AK7: variants seen among roughly 807,000 people sequenced by gnomAD.
AK7 encodes ATP-AMP transphosphorylase 7.
A neutral mutation model predicts 96.6 loss-of-function variants in AK7; 78 were observed. The observed-to-expected ratio is 0.81, with a 90% confidence interval of 0.67 to 0.97. The LOEUF (loss-of-function observed/expected upper bound fraction) is 0.97, where lower values mean the gene tolerates loss of function less well. AK7 is among the 50% of genes least tolerant of loss of function. The pLI is 0.00. For synonymous variants in AK7, 302 were observed against 317.2 expected (o/e 0.95, Z 0.51); for missense variants, 855 against 887.9 (o/e 0.96, Z 0.47).
At chr14:96,408,054 T>G (rs1490858098) in intron 3 of AK7, among the ~76,000 whole-genome samples, 2 of 152,208 alleles carry the variant, frequency 1.3e-5, no homozygotes, top group Non-Finnish European at 2.9e-5. Flanking sequence ...TATGAATCCC[T>G]ACAAGTTGTT....
At chr14:96,483,811 T>C (rs1350568879) in intron 16 of AK7, among the ~76,000 whole-genome samples, 1 of 152,212 alleles carries the variant, frequency 6.6e-6, no homozygotes, top group Non-Finnish European at 1.5e-5. Context: ...TTACTATGCA[T>C]TGACCTCATG....
intron 6 of AK7, among the ~76,000 whole-genome samples, chr14:96,441,609 A>G (rs1415370829): frequency 7.1e-6 from 1 of 141,248 alleles, no homozygotes; most frequent in Non-Finnish European, 1.5e-5. Context: ...ACTGCACTCC[A>G]TCCAGCCTGG....
At chr14:96,429,883 A>G (rs1224840851) in intron 5 of AK7, among the ~76,000 whole-genome samples, 1 of 152,166 alleles carries the variant, frequency 6.6e-6, no homozygotes. Context: ...GGGGTTTTCT[A>G]AATATATAAT....
chr14:96,449,825 T>C lies in AK7; in HGVS notation c.894T>C (p.Pro298=). 6.2e-7 allele frequency: 1 copy of C among 1,610,702 alleles called. No individual in the cohort carries two copies. The highest frequency in any genetic ancestry group is 8.5e-7 in the Non-Finnish European group (1 of 1,178,316). Residue 298 remains proline, a synonymous_variant, in exon 9 of 18, where the codon CCT becomes CCC. Coordinates refer to ENST00000267584, the MANE Select transcript of AK7 (RefSeq NM_152327.5). ...AGTGTATCAGTAAAAATACTGGCCC[T>C]GGGAAAATCCAGAAAATACCCAGAG... ...IVKCISKNTG[P]GKIQKIPREN... is the part of the protein sequence containing the mutation.
Position 96,472,511 on chromosome 14 carries a change from C to G in AK7, c.1487-176C>G, listed in dbSNP as rs545267961. On this transcript the variant is annotated intron_variant, in intron 13 of 17. Coordinates refer to ENST00000267584, the MANE Select transcript of AK7 (RefSeq NM_152327.5). The stretch of plus-strand genomic sequence containing the variant: ...CTGTTGGATGTATATACTACATTTT[C>G]TTTATCCATGCATCTATCAATGTAC... Among the ~76,000 whole-genome samples, 22 of 152,280 alleles carry G rather than the reference C, an allele frequency of 1.4e-4. No homozygotes were observed. In the South Asian group the frequency reaches 4.6e-3, roughly 32 times the overall value.
At chr14:96,468,897 C>G (rs959264117) in intron 12 of AK7, among the ~76,000 whole-genome samples, 1 of 151,612 alleles carries the variant, frequency 6.6e-6, no homozygotes, top group Non-Finnish European at 1.5e-5. Flanking sequence ...TGTGCTCATT[C>G]ATTTTCAAAC....
intron 8 of AK7, 105 bp downstream of exon 8, chr14:96,446,712 G>A: frequency 6.5e-6 from 6 of 921,256 alleles, no homozygotes; most frequent in East Asian, 2.6e-5. Flanking sequence ...AGTCCGAGGC[G>A]GGTGGATCAC....
chr14:96,394,001 C>G (rs1264033792), intron 1 of AK7, among the ~76,000 whole-genome samples: 2 of 151,874 alleles, frequency 1.3e-5, no homozygotes, highest in African/African-American at 2.4e-5. Flanking sequence ...CTCAGCTGCT[C>G]TGGAGGCTGA....
chr14:96,437,283 T>G (rs1158293123), intron 5 of AK7, among the ~76,000 whole-genome samples: 1 of 152,196 alleles, frequency 6.6e-6, no homozygotes, highest in Non-Finnish European at 1.5e-5. Flanking sequence ...TTGTGCTTAT[T>G]TCACATTGCA....
intron 5 of AK7, among the ~76,000 whole-genome samples, chr14:96,426,290 A>G (rs1294000818): frequency 6.6e-6 from 1 of 152,228 alleles, no homozygotes; most frequent in Admixed American, 6.5e-5. Flanking sequence ...ACCAGCAAAA[A>G]GAAAACTAAT....
intron 8 of AK7, among the ~76,000 whole-genome samples, chr14:96,448,792 C>T (rs1893399910): frequency 6.6e-6 from 1 of 151,718 alleles, no homozygotes; most frequent in South Asian, 2.1e-4. Context: ...CCCTTCTCTA[C>T]TAAAAATACA....
chr14:96,465,509 A>G lies in AK7; in HGVS notation c.1358-5969A>G, dbSNP rs1280937814. 1.3e-5 allele frequency among the ~76,000 whole-genome samples: 2 copies of G among 152,068 alleles called. 1 individual carries two copies. Among genetic ancestry groups the G allele is most frequent in the African/African-American group, 4.8e-5 (2 of 41,422 alleles). ...TACATTAATTCTGGAATTCCATACA[A>G]ATAAGGTAAAAATTACATTTCTTTG... On this transcript the variant is annotated intron_variant, in intron 12 of 17. Coordinates refer to ENST00000267584, the MANE Select transcript of AK7 (RefSeq NM_152327.5).
At chr14:96,438,766 A>G (rs1892791668) in intron 6 of AK7, among the ~76,000 whole-genome samples, 1 of 152,178 alleles carries the variant, frequency 6.6e-6, no homozygotes, top group Non-Finnish European at 1.5e-5. Context: ...TGTGCTGAGG[A>G]TGTACTATTT....
At chr14:96,470,433 C>A (rs561317667) in intron 12 of AK7, among the ~76,000 whole-genome samples, 2 of 152,070 alleles carry the variant, frequency 1.3e-5, no homozygotes, top group Non-Finnish European at 2.9e-5. Context: ...GATGGGGCTG[C>A]GTTTTGAACA....
At position 96,419,784 on chromosome 14, in the gene AK7, C is replaced by CTTTTTTTTTTTTTTTTTTTTTTTTTT. The variant is rs11449244; in HGVS notation, c.499-1034_499-1033insTTTTTTTTTTTTTTTTTTTTTTTTTT. Among the ~76,000 whole-genome samples the CTTTTTTTTTTTTTTTTTTTTTTTTTT allele has an allele frequency of 2.0e-5, 2 of 101,714 alleles. 1 individual carries two copies. The allele number at this position is 101,714 out of a possible 152,430, so 66.7% of individuals were successfully genotyped here. ...TCTCCTAAAGCATTTTTTTTTCTTTCTTTTCTTTTTTTTTTTTTTTTGAGA... is the reference window on the plus strand; with the variant it reads ...TCTCCTAAAGCATTTTTTTTTCTTTCTTTTTTTTTTTTTTTTTTTTTTTTTTTTTTCTTTTTTTTTTTTTTTTGAGA... On this transcript the variant is annotated intron_variant, in intron 4 of 17. Transcript: ENST00000267584.
At chr14:96,413,411 G>T (rs1421928139) in intron 4 of AK7, among the ~76,000 whole-genome samples, 2 of 152,176 alleles carry the variant, frequency 1.3e-5, no homozygotes, top group Non-Finnish European at 2.9e-5. Flanking sequence ...GAGGATAGGG[G>T]AATTGAGAAG....
chr14:96,439,980 T>G (rs1456064566), intron 6 of AK7, among the ~76,000 whole-genome samples: 1 of 152,152 alleles, frequency 6.6e-6, no homozygotes, highest in Non-Finnish European at 1.5e-5. Context: ...ATTTATTATG[T>G]ATTTATTTAT....
At chr14:96,424,402 T>C (rs1057015330) in intron 5 of AK7, among the ~76,000 whole-genome samples, 7 of 152,252 alleles carry the variant, frequency 4.6e-5, no homozygotes, top group African/African-American at 1.7e-4. Flanking sequence ...CTCAGTGTTT[T>C]ACTCATGGTA....
At chr14:96,420,390 G>A (rs1320501791) in intron 4 of AK7, among the ~76,000 whole-genome samples, 1 of 151,828 alleles carries the variant, frequency 6.6e-6, no homozygotes, top group Admixed American at 6.6e-5. Flanking sequence ...AGCTACTTGG[G>A]AGGCTGAGGC....
Sources: gnomAD v4.1 joint callset for allele counts (sites outside exome capture counted in the v4.1 genomes callset) on GRCh38, gnomAD v4.1.1 for gene constraint, MANE v1.5 for transcripts, NCBI Gene and HGNC (gene_info 2026-07-23, HGNC 2026-07-21) for gene names.